The following SCFD1 variants were observed in gnomAD, a reference collection of about 807,000 sequenced individuals.
SCFD1 encodes sec1 family domain-containing protein 1.
In SCFD1, 37 loss-of-function variants were observed where a neutral mutation model predicts 103.2. That is an observed-to-expected ratio of 0.36 (90% CI 0.28 to 0.47). The LOEUF (loss-of-function observed/expected upper bound fraction) is 0.47. Ranked by LOEUF, SCFD1 falls within the 20% of genes least tolerant of loss-of-function variation. The pLI, the probability that SCFD1 is intolerant of heterozygous loss-of-function variation, is 1.00. For missense variants in SCFD1, 639 were observed against 761.2 expected, an observed-to-expected ratio of 0.84 and a Z score of 1.89; for synonymous variants, 264 against 245.0, an observed-to-expected ratio of 1.08 and a Z score of -0.73.
At chr14:30,649,616 T>C (rs1444507113) in intron 8 of SCFD1, 33 bp downstream of exon 8, 2 of 1,491,592 alleles carry the variant, frequency 1.3e-6, no homozygotes, top group East Asian at 5.0e-5. Flanking sequence ...TGGAGATAAA[T>C]AACATTGTGT....
intron 23 of SCFD1, among the ~76,000 whole-genome samples, chr14:30,726,607 G>T (rs368889333): frequency 1.1e-4 from 17 of 152,164 alleles, no homozygotes; most frequent in East Asian, 5.8e-4. Flanking sequence ...CTTTTTGCTC[G>T]CTCTGCCAAG....
At chr14:30,650,354 G>A (rs149254) in intron 8 of SCFD1, among the ~76,000 whole-genome samples, 1 of 152,162 alleles carries the variant, frequency 6.6e-6, no homozygotes, top group Admixed American at 6.5e-5. Flanking sequence ...CATCAGGCCC[G>A]ACTCACAGTG....
intron 4 of SCFD1, 31 bp downstream of exon 4, chr14:30,634,068 G>A: frequency 7.7e-7 from 1 of 1,302,476 alleles, no homozygotes; most frequent in Non-Finnish European, 1.1e-6. Context: ...CTGGACTCCT[G>A]AATTTGGAAA....
In SCFD1 at chr14:30,735,682, AAT is replaced by A; in HGVS notation, c.*76_*77del. The A allele has an allele frequency of 8.9e-7, 1 of 1,120,688 alleles. No homozygotes were observed. The highest frequency in any genetic ancestry group is 1.3e-6 in the Non-Finnish European group (1 of 757,472). The allele number at this position is 1,120,688 out of a possible 1,614,324, so 69.4% of individuals were successfully genotyped here. A position where few individuals can be genotyped will look rare whatever the true frequency, so the allele number is the denominator to read the frequency against. ...TAAAAAGAAGAAAAGTTAGAAGAGC[AAT>A]ATGTTTCCTTCTCTGTAACAGTGTC... On this transcript the variant is annotated 3_prime_UTR_variant, in exon 25 of 25. Transcript: ENST00000458591.
intron 2 of SCFD1, among the ~76,000 whole-genome samples, chr14:30,628,806 C>G (rs1029175306): frequency 1.3e-5 from 2 of 152,192 alleles, no homozygotes; most frequent in African/African-American, 2.4e-5. Flanking sequence ...CATGCAGACT[C>G]TCTTTCTTCA....
chr14:30,694,137 G>C (rs1292989683), intron 14 of SCFD1, among the ~76,000 whole-genome samples: 1 of 152,042 alleles, frequency 6.6e-6, no homozygotes, highest in African/African-American at 2.4e-5. Flanking sequence ...ATGTGGATTT[G>C]CACACTAAAA....
At chr14:30,699,814 T>C (rs902056981) in intron 15 of SCFD1, among the ~76,000 whole-genome samples, 1 of 152,190 alleles carries the variant, frequency 6.6e-6, no homozygotes, top group African/African-American at 2.4e-5. Flanking sequence ...GTTGTCCTTA[T>C]GTAATTGTTA....
At chr14:30,720,933 A>G (rs566406880) in intron 21 of SCFD1, among the ~76,000 whole-genome samples, 1 of 152,302 alleles carries the variant, frequency 6.6e-6, no homozygotes, top group Admixed American at 6.5e-5. Context: ...AATGAGGAAG[A>G]ATATTAGCAT....
intron 14 of SCFD1, among the ~76,000 whole-genome samples, chr14:30,691,457 G>A (rs992475683): frequency 4.6e-5 from 7 of 152,160 alleles, no homozygotes; most frequent in Admixed American, 2.0e-4. Flanking sequence ...TAAGTAAAGT[G>A]CCTTACACAT....
chr14:30,732,458 T>A (rs1230073800), intron 23 of SCFD1, among the ~76,000 whole-genome samples: 1 of 152,212 alleles, frequency 6.6e-6, no homozygotes, highest in Non-Finnish European at 1.5e-5. Flanking sequence ...TAGTAGCTAC[T>A]AAGCTCCCCA....
chr14:30,719,185 T>G, intron 20 of SCFD1, 140 bp from the exon 21 acceptor site: 1 of 648,332 alleles, frequency 1.5e-6, no homozygotes, highest in South Asian at 1.9e-5. Context: ...TAGCACATAG[T>G]AAGTGCTCAT....
At chr14:30,700,165 T>G in intron 15 of SCFD1, 23 bp from the exon 16 acceptor site, 1 of 1,537,478 alleles carries the variant, frequency 6.5e-7, no homozygotes, top group Non-Finnish European at 9.0e-7. Flanking sequence ...AAAATATTTT[T>G]TAACCTCTTT....
chr14:30,690,783 C>T (rs927040593), intron 14 of SCFD1, among the ~76,000 whole-genome samples: 4 of 152,242 alleles, frequency 2.6e-5, no homozygotes. Context: ...GCGTCGCTCA[C>T]GCTGGGAGCT....
chr14:30,718,431 A>T (rs950621277), intron 20 of SCFD1, among the ~76,000 whole-genome samples: 2 of 152,168 alleles, frequency 1.3e-5, no homozygotes, highest in African/African-American at 2.4e-5. Context: ...GCAGACGGAT[A>T]TTTTTTTACT....
intron 23 of SCFD1, among the ~76,000 whole-genome samples, chr14:30,726,848 A>T (rs1042597248): frequency 5.9e-5 from 9 of 152,208 alleles, no homozygotes; most frequent in Admixed American, 3.9e-4. Context: ...CATTAAAGGC[A>T]AATCGGGCTT....
intron 19 of SCFD1, among the ~76,000 whole-genome samples, chr14:30,712,546 T>C (rs898831653): frequency 6.6e-6 from 1 of 152,222 alleles, no homozygotes; most frequent in Admixed American, 6.5e-5. Flanking sequence ...TGTTTTGTAA[T>C]ACACCATCAG....
chr14:30,730,101 A>G (rs1243995961), intron 23 of SCFD1, among the ~76,000 whole-genome samples: 1 of 152,208 alleles, frequency 6.6e-6, no homozygotes, highest in Non-Finnish European at 1.5e-5. Flanking sequence ...GAGTGAGAAC[A>G]TGCAGTGTTT....
chr14:30,648,975 CAA>C (rs34928852), intron 7 of SCFD1, among the ~76,000 whole-genome samples: 20 of 99,464 alleles, frequency 2.0e-4, no homozygotes, highest in Admixed American at 4.0e-4. Context: ...CACCCCGTCT[CAA>C]AAAAAAAAAA....
chr14:30,705,818 C>G lies in SCFD1; in HGVS notation c.1491-5C>G. On this transcript the variant is annotated splice_polypyrimidine_tract_variant and splice_region_variant and intron_variant, in intron 17 of 24. Transcript: ENST00000458591. ...GCTTTTAAGTACAACTTCCTTCTTT[C>G]ATAGGGCTTTTACCAAGATGGCCTC... is the stretch of plus-strand genomic sequence containing the variant. 1 of 1,612,766 alleles carries G rather than the reference C, an allele frequency of 6.2e-7. No individual in the cohort carries two copies. The highest frequency in any genetic ancestry group is 8.5e-7 in the Non-Finnish European group (1 of 1,178,938).
Sources: gnomAD v4.1 joint callset for allele counts (sites outside exome capture counted in the v4.1 genomes callset) on GRCh38, gnomAD v4.1.1 for gene constraint, MANE v1.5 for transcripts, NCBI Gene and HGNC (gene_info 2026-07-23, HGNC 2026-07-21) for gene names.